The following GK5 variants were observed in gnomAD, a reference collection of about 807,000 sequenced individuals.
The protein encoded by GK5 is ATP:glycerol 3-phosphotransferase 5.
A neutral mutation model predicts 77.3 loss-of-function variants in GK5; 39 were observed. The observed-to-expected ratio is 0.50, with a 90% CI of 0.39 to 0.66. The LOEUF is 0.66. GK5 is among the 30% of genes least tolerant of loss of function. GK5 has a pLI of 0.00. For synonymous variants in GK5, 211 were observed against 208.0 expected, an observed-to-expected ratio of 1.01 and a Z score of -0.13; for missense variants, 487 against 633.8, an observed-to-expected ratio of 0.77 and a Z score of 2.49.
Position 142,177,477 on chromosome 3 carries a change from C to A in GK5, c.1143+5G>T. 1 of 1,539,722 alleles carries A rather than the reference C, an allele frequency of 6.5e-7. No homozygotes were observed. Among genetic ancestry groups the A allele is most frequent in the Non-Finnish European group, 8.9e-7 (1 of 1,123,826 alleles). On this transcript the variant is annotated splice_donor_5th_base_variant and intron_variant, in intron 12 of 15. Transcript: ENST00000392993. ...TGATTGCCATTAACTTTAAAAAATA[C>A]ATACCTGTAATCCACTAAAAGATGG...
At chr3:142,177,694 A>C in intron 11 of GK5, 118 bp from the exon 12 acceptor site, 1 of 666,830 alleles carries the variant, frequency 1.5e-6, no homozygotes, top group East Asian at 2.6e-5. Flanking sequence ...TATGAATATA[A>C]TGTAAAAGAT....
intron 4 of GK5, 34 bp downstream of exon 4, chr3:142,204,661 C>CA (rs747312893): frequency 8.5e-7 from 1 of 1,176,886 alleles, no homozygotes; most frequent in Admixed American, 1.8e-5. Flanking sequence ...AAAAAAAAAC[C>CA]AACAATATCC....
chr3:142,198,552 T>G (rs1414387387), intron 5 of GK5, among the ~76,000 whole-genome samples: 1 of 152,156 alleles, frequency 6.6e-6, no homozygotes, highest in Non-Finnish European at 1.5e-5. Flanking sequence ...AGCTGGAGAT[T>G]GCAGTGAGCC....
rs533668898 is a variant in GK5, at chr3:142,200,094, T to TACACAC, written c.412-1162_412-1161insGTGTGT. 8.8e-5 allele frequency among the ~76,000 whole-genome samples: 13 copies of TACACAC among 148,550 alleles called. No individual in the cohort carries two copies. In the South Asian group the frequency reaches 2.8e-3, roughly 32 times the overall value. ...CTCACACCTTCTTTATTTCTATATA[T>TACACAC]ATATACACACACACACACACACACA... is the stretch of plus-strand genomic sequence containing the variant. On this transcript the variant is annotated intron_variant, in intron 4 of 15. Transcript: ENST00000392993.
intron 1 of GK5, among the ~76,000 whole-genome samples, chr3:142,216,641 G>A (rs2064280113): frequency 1.3e-5 from 2 of 152,048 alleles, no homozygotes; most frequent in African/African-American, 4.8e-5. Flanking sequence ...GAGGTTCAGG[G>A]AATCAAAAAG....
intron 3 of GK5, among the ~76,000 whole-genome samples, chr3:142,206,099 C>A (rs1055348094): frequency 4.6e-5 from 7 of 152,104 alleles, no homozygotes; most frequent in Admixed American, 4.6e-4. Flanking sequence ...GAAATGTATT[C>A]CGTTTTATGG....
chr3:142,172,376 T>C lies in GK5; in HGVS notation c.1224A>G (p.Ala408=). Residue 408 remains alanine (A), a synonymous_variant, in exon 13 of 16, where the codon GCA becomes GCG. Coordinates refer to ENST00000392993, the MANE Select transcript of GK5 (RefSeq NM_001039547.3). ...PSTSKYHLVR[A]ILESIAFRNK... is the part of the protein sequence containing the mutation. The stretch of plus-strand genomic sequence containing the variant: ...ACCTGAAAGCTATTGACTCCAATAT[T>C]GCTCGTACAAGATGGTATTTACTGG... 1 of 1,596,750 alleles carries C rather than the reference T, an allele frequency of 6.3e-7. No individual in the cohort carries two copies. Among genetic ancestry groups the C allele is most frequent in the Non-Finnish European group, 8.6e-7 (1 of 1,167,968 alleles).
intron 14 of GK5, among the ~76,000 whole-genome samples, chr3:142,170,963 TC>T (rs2063528546): frequency 1.3e-5 from 2 of 152,282 alleles, no homozygotes; most frequent in East Asian, 3.9e-4. Flanking sequence ...GCGCGTTGGC[TC>T]ACACCTGTAA....
chr3:142,224,173 G>A (rs1370074881), intron 1 of GK5, among the ~76,000 whole-genome samples: 4 of 152,172 alleles, frequency 2.6e-5, no homozygotes, highest in Non-Finnish European at 5.9e-5. Flanking sequence ...GGGAGGCCGA[G>A]GCGGGTGAAT....
At chr3:142,201,513 TAG>T (rs1386610998) in intron 4 of GK5, among the ~76,000 whole-genome samples, 1 of 152,112 alleles carries the variant, frequency 6.6e-6, no homozygotes, top group Non-Finnish European at 1.5e-5. Context: ...AGGAGAGTGG[TAG>T]ATATAGTTAC....
At chr3:142,220,367 C>T (rs13072486) in intron 1 of GK5, among the ~76,000 whole-genome samples, 95,625 of 151,944 alleles carry the variant, frequency 0.63, 30,551 homozygotes, top group Middle Eastern at 0.67. Context: ...GATCTCTTAA[C>T]CTCGTGATCC....
chr3:142,165,853 G>A, intron 15 of GK5, 83 bp from the exon 16 acceptor site: 7 of 825,184 alleles, frequency 8.5e-6, no homozygotes, highest in Non-Finnish European at 1.3e-5. Context: ...ACGAGTTGCT[G>A]GTAGAAAGGT....
intron 5 of GK5, among the ~76,000 whole-genome samples, chr3:142,197,939 C>T (rs928224751): frequency 4.6e-5 from 7 of 151,530 alleles, no homozygotes; most frequent in African/African-American, 1.7e-4. Context: ...AGGAGAATCG[C>T]TTGAACCTGG....
chr3:142,192,367 T>G (rs553697283), intron 5 of GK5, among the ~76,000 whole-genome samples: 1 of 152,296 alleles, frequency 6.6e-6, no homozygotes, highest in East Asian at 1.9e-4. Flanking sequence ...TTTACTCAAA[T>G]GAGTTGAAGA....
At chr3:142,187,621 A>AG (rs2063789937) in intron 6 of GK5, 83 bp downstream of exon 6, 2 of 982,298 alleles carry the variant, frequency 2.0e-6, no homozygotes, top group South Asian at 2.9e-5. Flanking sequence ...AAAAAAAAAA[A>AG]GTAACTTCTA....
intron 1 of GK5, among the ~76,000 whole-genome samples, chr3:142,216,516 G>A (rs1438551820): frequency 1.3e-5 from 2 of 151,948 alleles, no homozygotes; most frequent in African/African-American, 2.4e-5. Context: ...ATCCCAAGAG[G>A]GTGTGGTCAA....
intron 6 of GK5, among the ~76,000 whole-genome samples, chr3:142,187,395 G>T (rs1301189068): frequency 6.6e-6 from 1 of 151,906 alleles, no homozygotes; most frequent in Non-Finnish European, 1.5e-5. Flanking sequence ...CTTGAGTCCA[G>T]GAGTTCAAGA....
rs774015014 is a variant in GK5, at chr3:142,198,933, T to C, written c.412A>G (p.Ile138Val). 6.2e-7 allele frequency: 1 copy of C among 1,602,168 alleles called. No individual in the cohort carries two copies. The highest frequency in any genetic ancestry group is 8.5e-7 in the Non-Finnish European group (1 of 1,174,260). The change falls in exon 5 of 16, where the codon ATA becomes GTA. Residue 138 changes from isoleucine to valine, a missense_variant and splice_region_variant. Ile to Val is a conservative substitution (Grantham distance 29, BLOSUM62 3). This residue lies in a region of GK5 where 323 missense variants were observed against 437.4 expected (regional missense o/e 0.74). Coordinates refer to ENST00000392993, the MANE Select transcript of GK5 (RefSeq NM_001039547.3). ...KSWNNSLLMK[I>V]FHSSCRVLHF... is the part of the protein sequence containing the mutation. ...AGCACTCGGCAAGAACTGTGAAATA[T>C]CTATATTTTAAAAAACATATTTTAG...
chr3:142,201,435 A>AT (rs1035503289), intron 4 of GK5, among the ~76,000 whole-genome samples: 53 of 152,308 alleles, frequency 3.5e-4, no homozygotes, highest in African/African-American at 1.3e-3. Context: ...AAATTAGAAC[A>AT]TTTTTTAAAT....
Sources: gnomAD v4.1 joint callset for allele counts (sites outside exome capture counted in the v4.1 genomes callset) on GRCh38, gnomAD v4.1.1 for gene constraint, gnomAD v4.1.1 regional missense constraint, MANE v1.5 for transcripts, NCBI Gene and HGNC (gene_info 2026-07-23, HGNC 2026-07-21) for gene names.